DYNC1I2: variants seen among roughly 807,000 people sequenced by gnomAD.
The protein encoded by DYNC1I2 is dynein cytoplasmic 1 intermediate chain 2, also known as cytoplasmic dynein 1 intermediate chain 2.
A neutral mutation model predicts 88.6 loss-of-function variants in DYNC1I2; 53 were observed. The ratio of observed to expected loss-of-function variants is 0.60; its 90% confidence interval spans 0.48 to 0.75. DYNC1I2 has a LOEUF of 0.75. Among genes scored for constraint, DYNC1I2 ranks in the 30% least tolerant of loss-of-function variants. The pLI, the probability that DYNC1I2 is intolerant of heterozygous loss-of-function variation, is 0.00. For missense variants in DYNC1I2, 458 were observed against 766.6 expected, an observed-to-expected ratio of 0.60 and a Z score of 4.75; for synonymous variants, 198 against 254.6, an observed-to-expected ratio of 0.78 and a Z score of 2.12.
intron 11 of DYNC1I2, among the ~76,000 whole-genome samples, chr2:171,727,421 T>TA (rs552103359): frequency 8.5e-4 from 129 of 152,268 alleles, no homozygotes; most frequent in Middle Eastern, 3.4e-3. Flanking sequence ...TTGCATAATT[T>TA]AAAATCTTTT....
At chr2:171,710,124 C>G (rs312922) in intron 5 of DYNC1I2, among the ~76,000 whole-genome samples, 1 of 39,188 alleles carries the variant, frequency 2.6e-5, no homozygotes, top group South Asian at 6.5e-4. Context: ...TGTATATATA[C>G]ACACACACAC....
intron 6 of DYNC1I2, among the ~76,000 whole-genome samples, chr2:171,713,798 A>G (rs13420951): frequency 3.9e-5 from 6 of 152,208 alleles, no homozygotes; most frequent in Admixed American, 2.0e-4. Context: ...AGAAAAATAT[A>G]TGAGTTTCTT....
At chr2:171,725,105 C>A (rs761610119) in intron 7 of DYNC1I2, among the ~76,000 whole-genome samples, 42 of 152,290 alleles carry the variant, frequency 2.8e-4, no homozygotes, top group Non-Finnish European at 1.3e-4. Context: ...TGTAAGCCAT[C>A]TTTATGCCTT....
intron 8 of DYNC1I2, 28 bp from the exon 9 acceptor site, chr2:171,725,891 A>G: frequency 6.4e-7 from 1 of 1,551,056 alleles, no homozygotes; most frequent in Non-Finnish European, 8.6e-7. Flanking sequence ...GACATAAATC[A>G]TACTTCAAAA....
chr2:171,744,725 G>A (rs1218887640), intron 16 of DYNC1I2, among the ~76,000 whole-genome samples: 1 of 152,104 alleles, frequency 6.6e-6, no homozygotes, highest in Non-Finnish European at 1.5e-5. Flanking sequence ...TTTCCTAATT[G>A]CTGTACTAAA....
intron 12 of DYNC1I2, 88 bp from the exon 13 acceptor site, chr2:171,728,214 CGAT>C (rs1688374133): frequency 2.6e-6 from 2 of 777,778 alleles, no homozygotes; most frequent in Admixed American, 3.5e-5. Context: ...TTATGAGACT[CGAT>C]AATAAACAGA....
chr2:171,728,215 G>T (rs909879439), intron 12 of DYNC1I2, 90 bp from the exon 13 acceptor site: 1 of 786,526 alleles, frequency 1.3e-6, no homozygotes, highest in African/African-American at 1.8e-5. Flanking sequence ...TATGAGACTC[G>T]ATAATAAACA....
intron 6 of DYNC1I2, 129 bp from the exon 7 acceptor site, chr2:171,715,199 C>G: frequency 1.8e-6 from 1 of 550,904 alleles, no homozygotes. Context: ...TATTGTTAAT[C>G]TAAAATTTCT....
chr2:171,715,006 C>T (rs1379622478), intron 6 of DYNC1I2, among the ~76,000 whole-genome samples: 6 of 152,200 alleles, frequency 3.9e-5, no homozygotes, highest in Admixed American at 6.5e-5. Context: ...CCAGTTCTTA[C>T]GACAACCTTA....
At chr2:171,727,005 T>G in intron 11 of DYNC1I2, 89 bp downstream of exon 11, 1 of 1,368,884 alleles carries the variant, frequency 7.3e-7, no homozygotes, top group East Asian at 2.5e-5. Flanking sequence ...CTTGTCAACA[T>G]AATGATTTCA....
chr2:171,739,102 G>C (rs1173286778), intron 15 of DYNC1I2, among the ~76,000 whole-genome samples: 2 of 57,162 alleles, frequency 3.5e-5, no homozygotes, highest in African/African-American at 8.7e-5. Flanking sequence ...GGCAACAAGA[G>C]TGAAAAAAAA....
intron 10 of DYNC1I2, 76 bp from the exon 11 acceptor site, chr2:171,726,715 A>G: frequency 6.4e-7 from 1 of 1,552,246 alleles, no homozygotes; most frequent in Non-Finnish European, 8.8e-7. Flanking sequence ...ATAATCTGAT[A>G]AAGACAAATA....
At chr2:171,709,253 T>A (rs1686925546) in intron 5 of DYNC1I2, among the ~76,000 whole-genome samples, 1 of 152,214 alleles carries the variant, frequency 6.6e-6, no homozygotes, top group Non-Finnish European at 1.5e-5. Flanking sequence ...CTTTGACACT[T>A]AAGTTTTTTA....
At chr2:171,706,429 T>A in intron 3 of DYNC1I2, 118 bp from the exon 4 acceptor site, 1 of 804,964 alleles carries the variant, frequency 1.2e-6, no homozygotes, top group Non-Finnish European at 2.1e-6. Flanking sequence ...TGTTAAAAGT[T>A]GAGGATCTAG....
intron 7 of DYNC1I2, among the ~76,000 whole-genome samples, chr2:171,722,643 A>G (rs1445016817): frequency 3.3e-5 from 5 of 152,214 alleles, no homozygotes; most frequent in Admixed American, 3.3e-4. Context: ...GCTTATAACA[A>G]GAAAAGCATA....
chr2:171,724,249 G>T (rs1347391963), intron 7 of DYNC1I2, among the ~76,000 whole-genome samples: 2 of 152,118 alleles, frequency 1.3e-5, no homozygotes, highest in African/African-American at 4.8e-5. Flanking sequence ...TATTTTTATT[G>T]CCTATACTAT....
At chr2:171,703,829 T>C (rs1030149029) in intron 3 of DYNC1I2, among the ~76,000 whole-genome samples, 6 of 152,312 alleles carry the variant, frequency 3.9e-5, no homozygotes, top group South Asian at 2.1e-4. Context: ...TAACGTGGAC[T>C]GTGTTTGAGT....
chr2:171,743,208 GA>G (rs1335608997), intron 15 of DYNC1I2, among the ~76,000 whole-genome samples: 2 of 152,112 alleles, frequency 1.3e-5, no homozygotes, highest in African/African-American at 4.8e-5. Context: ...ATAAAGAAGA[GA>G]AAATATATTT....
At chr2:171,735,668 A>T (rs1688953993) in intron 15 of DYNC1I2, among the ~76,000 whole-genome samples, 1 of 152,180 alleles carries the variant, frequency 6.6e-6, no homozygotes. Flanking sequence ...AAAATACCAA[A>T]TTTTAAATTC....
Sources: allele counts gnomAD v4.1 joint callset (sites outside exome capture counted in the v4.1 genomes callset), GRCh38; gene constraint gnomAD v4.1.1; transcripts MANE v1.5; gene names NCBI Gene and HGNC (gene_info 2026-07-23, HGNC 2026-07-21).